The following RIMS2 variants were observed in gnomAD, a reference collection of about 807,000 sequenced individuals.
RIMS2 encodes the protein regulating synaptic membrane exocytosis protein 2.
Under a neutral mutation model 174.4 loss-of-function variants are expected in RIMS2, and 59 were observed. The ratio of observed to expected loss-of-function variants is 0.34; its 90% CI spans 0.27 to 0.42. The LOEUF is 0.42. Ranked by LOEUF, RIMS2 falls within the 10% of genes least tolerant of loss-of-function variation. The pLI is 1.00. For missense variants in RIMS2, 1,620 were observed against 1,666.3 expected (o/e 0.97, Z 0.48); for synonymous variants, 606 against 572.5 (o/e 1.06, Z -0.84).
intron 4 of RIMS2, among the ~76,000 whole-genome samples, chr8:103,909,871 T>A (rs2075300407): frequency 6.6e-6 from 1 of 151,986 alleles, no homozygotes; most frequent in East Asian, 1.9e-4. Context: ...TATTATTAGC[T>A]TTTTCTCTTT....
At chr8:103,605,338 C>T (rs1468961521) in intron 1 of RIMS2, among the ~76,000 whole-genome samples, 34 of 140,440 alleles carry the variant, frequency 2.4e-4, no homozygotes, top group Non-Finnish European at 4.1e-4. Context: ...CCTTGCATCC[C>T]AGGGATGAAG....
intron 1 of RIMS2, among the ~76,000 whole-genome samples, chr8:103,561,129 T>G (rs1012477864): frequency 2.6e-5 from 4 of 152,224 alleles, no homozygotes; most frequent in African/African-American, 7.2e-5. Context: ...TTCCTGCGGC[T>G]TTTTCCTCTC....
intron 19 of RIMS2, among the ~76,000 whole-genome samples, chr8:104,039,990 ATTTCT>A (rs2096582164): frequency 6.6e-6 from 1 of 151,510 alleles, no homozygotes; most frequent in Non-Finnish European, 1.5e-5. Flanking sequence ...TCCAAATGTC[ATTTCT>A]TTTCCAGTTT....
At chr8:104,010,991 CT>C (rs2095744218) in intron 17 of RIMS2, among the ~76,000 whole-genome samples, 1 of 152,102 alleles carries the variant, frequency 6.6e-6, no homozygotes, top group Non-Finnish European at 1.5e-5. Flanking sequence ...TTTTCAGTTG[CT>C]GCTATTCAAA....
Position 103,912,205 on chromosome 8 carries a change from A to G in RIMS2, c.1812+33A>G, listed in dbSNP as rs200029830. On this transcript the variant is annotated intron_variant, in intron 6 of 23. Transcript: ENST00000504942. ...ATAAAAAGTATGAGATTTTGGCTCT[A>G]TACTCTTACAGATTTACCAGAAAAG... The G allele has an allele frequency of 2.4e-4, 379 of 1,554,052 alleles. 2 individuals carry two copies. Among genetic ancestry groups the G allele is most frequent in the South Asian group, 1.4e-3 (117 of 83,808 alleles).
chr8:104,147,860 T>C (rs2098655189), intron 19 of RIMS2, among the ~76,000 whole-genome samples: 1 of 152,190 alleles, frequency 6.6e-6, no homozygotes, highest in Non-Finnish European at 1.5e-5. Flanking sequence ...GCAGTATTAG[T>C]CTTGCAGTAG....
At chr8:103,743,795 A>G (rs1481993297) in intron 2 of RIMS2, among the ~76,000 whole-genome samples, 2 of 152,112 alleles carry the variant, frequency 1.3e-5, no homozygotes, top group Non-Finnish European at 2.9e-5. Flanking sequence ...TTTTATTCCT[A>G]TTTCTGTTAC....
intron 3 of RIMS2, among the ~76,000 whole-genome samples, chr8:103,877,068 G>C (rs1379171386): frequency 6.6e-6 from 1 of 150,996 alleles, no homozygotes; most frequent in Non-Finnish European, 1.5e-5. Flanking sequence ...CCCTTGGGTA[G>C]ATACCCAGTT....
chr8:104,155,344 G>C (rs969422225), intron 19 of RIMS2, among the ~76,000 whole-genome samples: 46 of 149,960 alleles, frequency 3.1e-4, no homozygotes, highest in African/African-American at 1.0e-3. Context: ...CTGACCTCGT[G>C]ATCTGCCCGC....
rs182602980 is a variant in RIMS2 at position 103,704,189 on chromosome 8, C to G, written c.387+6893C>G. On this transcript the variant is annotated intron_variant, in intron 2 of 23. Transcript: ENST00000504942. ...ATCTAGTATGTTCAGATTTAAAAAT[C>G]ATTATTAAATGCTTTTATTGGAATG... 1.5e-3 allele frequency among the ~76,000 whole-genome samples: 226 copies of G among 148,602 alleles called. 2 individuals carry two copies. Among genetic ancestry groups the G allele is most frequent in the African/African-American group, 5.1e-3 (206 of 40,178 alleles).
At chr8:104,181,818 G>A (rs1372145978) in intron 19 of RIMS2, among the ~76,000 whole-genome samples, 7 of 151,440 alleles carry the variant, frequency 4.6e-5, no homozygotes, top group South Asian at 2.1e-4. Flanking sequence ...TATGTACTTC[G>A]ACATTTATAA....
At chr8:104,232,999 A>G (rs2099239090) in intron 19 of RIMS2, among the ~76,000 whole-genome samples, 1 of 152,082 alleles carries the variant, frequency 6.6e-6, no homozygotes, top group Non-Finnish European at 1.5e-5. Context: ...GCTCAATATG[A>G]TTAGCTATTT....
At chr8:103,924,521 G>A (rs2078348693) in intron 10 of RIMS2, among the ~76,000 whole-genome samples, 1 of 151,476 alleles carries the variant, frequency 6.6e-6, no homozygotes, top group South Asian at 2.1e-4. Flanking sequence ...GGAAAACTAG[G>A]AAGTCATAAA....
chr8:103,521,060 T>C (rs1274436012), intron 1 of RIMS2, among the ~76,000 whole-genome samples: 1 of 148,842 alleles, frequency 6.7e-6, no homozygotes, highest in African/African-American at 2.5e-5. Flanking sequence ...CTGCGTGTTC[T>C]CACTCATAGG....
intron 19 of RIMS2, among the ~76,000 whole-genome samples, chr8:104,057,436 CAGTT>C (rs979165392): frequency 5.3e-5 from 8 of 152,050 alleles, no homozygotes; most frequent in South Asian, 2.1e-4. Context: ...AATAAAATTT[CAGTT>C]AGTCTGTTCA....
intron 19 of RIMS2, among the ~76,000 whole-genome samples, chr8:104,183,255 T>C (rs1011349027): frequency 3.3e-5 from 5 of 151,804 alleles, no homozygotes; most frequent in African/African-American, 9.7e-5. Context: ...ACTTTGGCTG[T>C]CAAGAAATTC....
At chr8:103,638,155 C>T (rs2096133574) in intron 1 of RIMS2, among the ~76,000 whole-genome samples, 1 of 152,068 alleles carries the variant, frequency 6.6e-6, no homozygotes, top group Admixed American at 6.6e-5. Flanking sequence ...CTATTGGTTG[C>T]AAGTGGGTCA....
chr8:104,230,875 GA>G, intron 19 of RIMS2, among the ~76,000 whole-genome samples: 1 of 149,396 alleles, frequency 6.7e-6, no homozygotes, highest in Non-Finnish European at 1.5e-5. Flanking sequence ...CCCAAGGTTG[GA>G]AAATTTACTC....
chr8:103,880,540 T>TA (rs2154517305), intron 3 of RIMS2: 1 of 402,782 alleles, frequency 2.5e-6, no homozygotes, highest in East Asian at 3.6e-5. Flanking sequence ...TGTAAACAAG[T>TA]AGAGACTTTC....
Sources: gnomAD v4.1 joint callset for allele counts (sites outside exome capture counted in the v4.1 genomes callset) on GRCh38, gnomAD v4.1.1 for gene constraint, MANE v1.5 for transcripts, NCBI Gene and HGNC (gene_info 2026-07-23, HGNC 2026-07-21) for gene names.